The following MAGI2 variants were observed in gnomAD, a reference collection of about 807,000 sequenced individuals.
MAGI2 encodes the protein membrane associated guanylate kinase, WW and PDZ domain containing 2, also known as membrane-associated guanylate kinase, WW and PDZ domain-containing protein 2.
Under a neutral mutation model 133.3 loss-of-function variants are expected in MAGI2, and 35 were observed. The observed-to-expected ratio is 0.26, with a 90% CI of 0.20 to 0.35. The LOEUF (loss-of-function observed/expected upper bound fraction) is 0.35, where lower values mean the gene tolerates loss of function less well. Ranked by LOEUF, MAGI2 falls within the 10% of genes least tolerant of loss-of-function variation. The pLI, the probability that MAGI2 is intolerant of heterozygous loss-of-function variation, is 1.00. For missense variants in MAGI2, 1,636 were observed against 1,863.4 expected (o/e 0.88, Z 2.25); for synonymous variants, 729 against 710.6 (o/e 1.03, Z -0.41).
intron 12 of MAGI2, among the ~76,000 whole-genome samples, chr7:78,192,523 C>CTTT (rs35559367): frequency 0.083 from 11,640 of 139,844 alleles, 609 homozygotes; most frequent in Non-Finnish European, 0.11. Context: ...AAAAGGCTGT[C>CTTT]TTTTTTTTTT....
intron 6 of MAGI2, among the ~76,000 whole-genome samples, chr7:78,471,123 G>T (rs1563049183): frequency 6.6e-6 from 1 of 152,040 alleles, no homozygotes. Context: ...TTTAAAAGGT[G>T]AATTATGCTT....
At chr7:78,938,379 G>A (rs930085745) in intron 2 of MAGI2, among the ~76,000 whole-genome samples, 13 of 151,974 alleles carry the variant, frequency 8.6e-5, no homozygotes, top group African/African-American at 2.2e-4. Context: ...ACCATATTGC[G>A]TATAGTAAAA....
chr7:78,598,958 C>T (rs968572290), intron 3 of MAGI2, among the ~76,000 whole-genome samples: 2 of 152,014 alleles, frequency 1.3e-5, no homozygotes, highest in South Asian at 2.1e-4. Context: ...GTGTCAGGAA[C>T]GCATTGGATT....
At chr7:78,785,476 G>T (rs955174644) in intron 2 of MAGI2, among the ~76,000 whole-genome samples, 1 of 152,112 alleles carries the variant, frequency 6.6e-6, no homozygotes, top group Non-Finnish European at 1.5e-5. Context: ...TGTCAATTTT[G>T]CCATCATGTC....
At chr7:78,331,764 T>C (rs1789226076) in intron 9 of MAGI2, among the ~76,000 whole-genome samples, 1 of 152,210 alleles carries the variant, frequency 6.6e-6, no homozygotes, top group African/African-American at 2.4e-5. Flanking sequence ...GGTGTTATAA[T>C]GTCTAGCACC....
chr7:78,682,378 C>A (rs919560699), intron 2 of MAGI2, among the ~76,000 whole-genome samples: 5 of 152,160 alleles, frequency 3.3e-5, no homozygotes, highest in East Asian at 1.9e-4. Flanking sequence ...CCCCTTGCCC[C>A]CCACCCACCA....
At chr7:78,096,108 T>C (rs1014296971) in intron 20 of MAGI2, among the ~76,000 whole-genome samples, 1 of 152,234 alleles carries the variant, frequency 6.6e-6, no homozygotes, top group African/African-American at 2.4e-5. Flanking sequence ...ATTCTGACAG[T>C]ATGTTTTGAT....
At chr7:79,426,531 C>A (rs1155234) in intron 1 of MAGI2, among the ~76,000 whole-genome samples, 32,285 of 152,014 alleles carry the variant, frequency 0.21, 5,125 homozygotes, top group African/African-American at 0.45. Context: ...TATCTTCTCT[C>A]CTGAGGAGTT....
chr7:79,125,453 G>A lies in MAGI2; in HGVS notation c.302-118247C>T, dbSNP rs536016022. The A allele has an allele frequency of 7.7e-4, 385 of 502,086 alleles. 8 individuals are homozygous for A. Among genetic ancestry groups the A allele is most frequent in the South Asian group, 5.7e-3 (380 of 67,134 alleles). 31.1% of individuals were successfully genotyped at this position (502,086 alleles called of 1,614,324 possible). A position where few individuals can be genotyped will look rare whatever the true frequency, so the allele number is the denominator to read the frequency against. On this transcript the variant is annotated intron_variant, in intron 1 of 21. Coordinates refer to ENST00000354212, the MANE Select transcript of MAGI2 (RefSeq NM_012301.4). ...TATAATGGATTTGATAACGATGGTAGTTATGTTGGAGGCAGTCCTAGTTAC... is the reference window on the plus strand; with the variant it reads ...TATAATGGATTTGATAACGATGGTAATTATGTTGGAGGCAGTCCTAGTTAC...
chr7:79,329,819 C>T (rs1839937160), intron 1 of MAGI2, among the ~76,000 whole-genome samples: 1 of 152,162 alleles, frequency 6.6e-6, no homozygotes, highest in Non-Finnish European at 1.5e-5. Context: ...GCATTGAAAG[C>T]TGTTTTACAC....
intron 1 of MAGI2, among the ~76,000 whole-genome samples, chr7:79,452,461 T>C (rs1849351080): frequency 1.3e-5 from 2 of 151,962 alleles, no homozygotes; most frequent in South Asian, 4.2e-4. Flanking sequence ...AAGCAATTTG[T>C]CCCTTCTTTT....
At chr7:78,374,229 G>T (rs1794218875) in intron 6 of MAGI2, among the ~76,000 whole-genome samples, 2 of 152,030 alleles carry the variant, frequency 1.3e-5, no homozygotes, top group African/African-American at 4.8e-5. Context: ...AACATCTGTT[G>T]TTTTCTGACT....
intron 1 of MAGI2, among the ~76,000 whole-genome samples, chr7:79,256,213 C>A (rs1201696100): frequency 6.6e-6 from 1 of 152,160 alleles, no homozygotes; most frequent in African/African-American, 2.4e-5. Context: ...ACCTTTGACA[C>A]AAACAAGTAA....
At chr7:78,246,842 G>T (rs944367220) in intron 10 of MAGI2, among the ~76,000 whole-genome samples, 1 of 152,020 alleles carries the variant, frequency 6.6e-6, no homozygotes, top group Non-Finnish European at 1.5e-5. Flanking sequence ...TCTGGAGCCA[G>T]GCCAGTGCCG....
At chr7:78,573,281 T>A (rs1211316271) in intron 3 of MAGI2, among the ~76,000 whole-genome samples, 4 of 56,776 alleles carry the variant, frequency 7.0e-5, no homozygotes, top group African/African-American at 4.5e-4. Context: ...TAAATATATA[T>A]ATTTATATAA....
At chr7:79,073,042 A>G (rs1278282276) in intron 1 of MAGI2, among the ~76,000 whole-genome samples, 1 of 152,114 alleles carries the variant, frequency 6.6e-6, no homozygotes, top group Non-Finnish European at 1.5e-5. Flanking sequence ...AAAACAAACA[A>G]CAACAACAAC....
At chr7:78,584,761 T>C (rs914075796) in intron 3 of MAGI2, among the ~76,000 whole-genome samples, 1 of 152,208 alleles carries the variant, frequency 6.6e-6, no homozygotes, top group Non-Finnish European at 1.5e-5. Context: ...TGCCTGGGCT[T>C]CGGATATCAG....
intron 2 of MAGI2, among the ~76,000 whole-genome samples, chr7:78,833,144 A>G (rs144001425): frequency 0.087 from 13,297 of 152,180 alleles, 765 homozygotes; most frequent in East Asian, 0.2. Flanking sequence ...TTAATATCTT[A>G]CTAATCATAG....
Position 78,048,452 on chromosome 7 carries a change from C to T in MAGI2, c.3707-28476G>A, listed in dbSNP as rs185392684. 1.5e-3 allele frequency among the ~76,000 whole-genome samples: 227 copies of T among 152,172 alleles called. 4 individuals are homozygous for T. The South Asian group carries it at 0.016, about 11-fold the overall frequency. On this transcript the variant is annotated intron_variant, in intron 21 of 21. Coordinates refer to ENST00000354212, the MANE Select transcript of MAGI2 (RefSeq NM_012301.4). ...TCACCTTCTTCCTCGTTGTTCCTCA[C>T]GCTCATTAAAAACAGTCCCCGCCAA... is the stretch of plus-strand genomic sequence containing the variant.
Sources: gnomAD v4.1 joint callset for allele counts (sites outside exome capture counted in the v4.1 genomes callset) on GRCh38, gnomAD v4.1.1 for gene constraint, MANE v1.5 for transcripts, NCBI Gene and HGNC (gene_info 2026-07-23, HGNC 2026-07-21) for gene names.